The following RPS6KA6 variants were observed in gnomAD, a reference collection of about 807,000 sequenced individuals.
The protein encoded by RPS6KA6 is ribosomal protein S6 kinase A6, also known as ribosomal protein S6 kinase alpha-6.
In RPS6KA6, 27 loss-of-function variants were observed where a neutral mutation model predicts 65.4. That is an observed-to-expected ratio of 0.41 (90% CI 0.30 to 0.57). The LOEUF is 0.57. RPS6KA6 is among the 20% of genes least tolerant of loss of function. The pLI, the probability that RPS6KA6 is intolerant of heterozygous loss-of-function variation, is 0.24. For synonymous variants in RPS6KA6, 190 were observed against 184.2 expected (o/e 1.03, Z -0.26); for missense variants, 486 against 555.6 (o/e 0.87, Z 1.26).
intron 3 of RPS6KA6, among the ~76,000 whole-genome samples, chrX:84,155,388 T>C (rs2035398467): frequency 1.8e-5 from 2 of 111,588 alleles, no homozygotes; most frequent in African/African-American, 6.5e-5. Flanking sequence ...TAAAGGCTGT[T>C]ACTATGTGTA....
At chrX:84,132,391 G>A (rs949026913) in intron 8 of RPS6KA6, among the ~76,000 whole-genome samples, 11 of 110,498 alleles carry the variant, frequency 1.0e-4, no homozygotes, top group Admixed American at 9.8e-5. Flanking sequence ...AAAAGGCTGT[G>A]ATAAGATGTG....
At chrX:84,122,022 A>T (rs2034679284) in intron 8 of RPS6KA6, among the ~76,000 whole-genome samples, 1 of 112,936 alleles carries the variant, frequency 8.9e-6, no homozygotes, top group Non-Finnish European at 1.9e-5. Flanking sequence ...TAGCTTCTGC[A>T]GGAACACCAA....
chrX:84,064,433 G>A (rs1442986177), intron 21 of RPS6KA6, 31 bp from the exon 22 acceptor site: 2 of 1,108,850 alleles, frequency 1.8e-6, no homozygotes, highest in South Asian at 2.2e-5. Context: ...CACAAACTAA[G>A]TACAAATTCT....
chrX:84,153,304 ATAT>A (rs1186252617), intron 3 of RPS6KA6, among the ~76,000 whole-genome samples: 1 of 111,828 alleles, frequency 8.9e-6, no homozygotes, highest in Non-Finnish European at 1.9e-5. Context: ...TTTTATATAA[ATAT>A]TATTTGGCAC....
chrX:84,079,417 C>T (rs1163882880), intron 20 of RPS6KA6, among the ~76,000 whole-genome samples: 2 of 109,668 alleles, frequency 1.8e-5, no homozygotes, highest in Non-Finnish European at 3.8e-5. Context: ...GAGCTAGCTG[C>T]AGTTTTTTTT....
rs1418593467 is a variant in RPS6KA6, at chrX:84,058,871, T to G, written c.*5406A>C. On this transcript the variant is annotated 3_prime_UTR_variant, in exon 22 of 22. Transcript: ENST00000262752. ...GGAATTCAAAAGTGCTTGGGATGTG[T>G]TGGCAAACCAATTTTTTAAAAAATG... 9.1e-6 allele frequency: 1 copy of G among 110,196 alleles called. No individual in the cohort carries two copies. Among genetic ancestry groups the G allele is most frequent in the Non-Finnish European group, 1.9e-5 (1 of 52,854 alleles). The allele number at this position is 110,196 out of a possible 1,213,427, so 9.1% of individuals were successfully genotyped here.
rs917757921 is a variant in RPS6KA6 at position 84,062,973 on chromosome X, T to C, written c.*1304A>G. ...GTAGTAGCAGTAGTAGCTGCTGCTG[T>C]TGTTGTAGCAACGGTATTTTCTTCA... On this transcript the variant is annotated 3_prime_UTR_variant, in exon 22 of 22. Transcript: ENST00000262752. The C allele has an allele frequency of 8.1e-5, 9 of 110,676 alleles. No individual in the cohort carries two copies. The highest frequency in any genetic ancestry group is 1.1e-4 in the Non-Finnish European group (6 of 52,737). The allele number at this position is 110,676 out of a possible 1,213,427, so 9.1% of individuals were successfully genotyped here.
chrX:84,141,776 C>T (rs1295013153), intron 6 of RPS6KA6, among the ~76,000 whole-genome samples: 1 of 111,267 alleles, frequency 9.0e-6, no homozygotes, highest in Non-Finnish European at 1.9e-5. Flanking sequence ...GGGATAAAGT[C>T]AGTCATGTCA....
At chrX:84,104,255 T>G (rs922856430) in intron 17 of RPS6KA6, among the ~76,000 whole-genome samples, 1 of 111,215 alleles carries the variant, frequency 9.0e-6, no homozygotes, top group African/African-American at 3.2e-5. Flanking sequence ...AGGTCAAAGT[T>G]AGGTACATTT....
chrX:84,115,505 A>G (rs761670992), intron 12 of RPS6KA6, among the ~76,000 whole-genome samples: 2 of 112,251 alleles, frequency 1.8e-5, no homozygotes, highest in East Asian at 5.6e-4. Context: ...TACACTGTTA[A>G]TGGGAATGTA....
chrX:84,123,156 A>T (rs1851625690), intron 8 of RPS6KA6, among the ~76,000 whole-genome samples: 1 of 111,619 alleles, frequency 9.0e-6, no homozygotes, highest in Non-Finnish European at 1.9e-5. Flanking sequence ...TTGCCTGCTG[A>T]TTAACGAGCT....
At chrX:84,108,267 T>TC (rs1365003292) in intron 12 of RPS6KA6, among the ~76,000 whole-genome samples, 1 of 111,884 alleles carries the variant, frequency 8.9e-6, no homozygotes, top group East Asian at 2.8e-4. Context: ...AAGCTTACAG[T>TC]CCCACAGTGG....
chrX:84,110,148 G>A (rs1016046206), intron 12 of RPS6KA6, among the ~76,000 whole-genome samples: 16 of 111,844 alleles, frequency 1.4e-4, no homozygotes, highest in African/African-American at 3.3e-4. Flanking sequence ...GCTATACTGC[G>A]GTCTGGAGAT....
chrX:84,119,437 C>A (rs2147471589), intron 9 of RPS6KA6, among the ~76,000 whole-genome samples: 1 of 111,786 alleles, frequency 8.9e-6, no homozygotes, highest in South Asian at 3.7e-4. Flanking sequence ...ATGCTTGATA[C>A]TATGGGAGAT....
Position 84,061,773 on chromosome X carries a change from G to C in RPS6KA6, c.*2504C>G, listed in dbSNP as rs1420507171. On this transcript the variant is annotated 3_prime_UTR_variant, in exon 22 of 22. Coordinates refer to ENST00000262752, the MANE Select transcript of RPS6KA6 (RefSeq NM_014496.5). ...AACACAATGCAAAATCATTATTCAA[G>C]AACCCATTAGAAACCACAGTATTCT... 3.6e-5 allele frequency: 4 copies of C among 111,488 alleles called. No homozygotes were observed. The highest frequency in any genetic ancestry group is 7.6e-5 in the Non-Finnish European group (4 of 52,955). 9.2% of individuals were successfully genotyped at this position (111,488 alleles called of 1,213,427 possible).
intron 1 of RPS6KA6, among the ~76,000 whole-genome samples, chrX:84,168,432 T>C (rs893560548): frequency 9.0e-6 from 1 of 111,537 alleles, no homozygotes; most frequent in African/African-American, 3.3e-5. Context: ...ATCTGCTCTT[T>C]CTTCAGGGTT....
At chrX:84,179,778 A>C (rs1004268293) in intron 1 of RPS6KA6, among the ~76,000 whole-genome samples, 1 of 111,705 alleles carries the variant, frequency 9.0e-6, no homozygotes, top group Non-Finnish European at 1.9e-5. Context: ...TACACAAATT[A>C]TCTTATATAT....
rs764126242 is a variant in RPS6KA6 at position 84,107,137 on chromosome X, GCTA to G, written c.1112-100_1112-98del. 4.1e-4 allele frequency: 250 copies of G among 614,221 alleles called. No homozygotes were observed. The African/African-American group carries it at 5.4e-3, about 13-fold the overall frequency. 50.6% of individuals were successfully genotyped at this position (614,221 alleles called of 1,213,427 possible). On this transcript the variant is annotated intron_variant, in intron 13 of 21. Coordinates refer to ENST00000262752, the MANE Select transcript of RPS6KA6 (RefSeq NM_014496.5). ...TTAACTATAAAGGAAACCATTAAATGCTACTAACATATTATATATTTGATTTAT... is the reference window on the plus strand; with the variant it reads ...TTAACTATAAAGGAAACCATTAAATGCTAACATATTATATATTTGATTTAT...
chrX:84,129,927 G>T (rs2034865982), intron 8 of RPS6KA6, among the ~76,000 whole-genome samples: 1 of 110,716 alleles, frequency 9.0e-6, no homozygotes, highest in Admixed American at 9.6e-5. Context: ...CTTAATATTA[G>T]CTAGCACAAC....
Sources: allele counts gnomAD v4.1 joint callset (sites outside exome capture counted in the v4.1 genomes callset), GRCh38; gene constraint gnomAD v4.1.1; transcripts MANE v1.5; gene names NCBI Gene and HGNC (gene_info 2026-07-23, HGNC 2026-07-21).